The following PEG3 variants were observed in gnomAD, a reference collection of about 807,000 sequenced individuals.
PEG3 encodes the protein paternally-expressed gene 3 protein.
A neutral mutation model predicts 35.5 loss-of-function variants in PEG3; 23 were observed. The observed-to-expected ratio is 0.65, with a 90% CI of 0.47 to 0.92. PEG3 has a LOEUF of 0.92. Among genes scored for constraint, PEG3 ranks in the 40% least tolerant of loss-of-function variants. The pLI, the probability that PEG3 is intolerant of heterozygous loss-of-function variation, is 0.00. For missense variants in PEG3, 1,960 were observed against 1,985.3 expected, an observed-to-expected ratio of 0.99 and a Z score of 0.24; for synonymous variants, 707 against 697.0, an observed-to-expected ratio of 1.01 and a Z score of -0.23.
chr19:56,823,294 A>T (rs757807245), intron 5 of PEG3, among the ~76,000 whole-genome samples: 3 of 152,240 alleles, frequency 2.0e-5, no homozygotes, highest in Non-Finnish European at 2.9e-5. Context: ...AAGCATCTTT[A>T]ATGAACCTTC....
intron 1 of PEG3, among the ~76,000 whole-genome samples, chr19:56,840,238 G>C (rs150971230): frequency 6.6e-6 from 1 of 152,326 alleles, no homozygotes; most frequent in Non-Finnish European, 1.5e-5. Flanking sequence ...AATGCCCCCG[G>C]TTTGCTGCGG....
Position 56,810,701 on chromosome 19 carries a change from TTTTCA to T in PEG3, c.*2969_*2973del, listed in dbSNP as rs758696018. On this transcript the variant is annotated 3_prime_UTR_variant, in exon 10 of 10. Coordinates refer to ENST00000326441, the MANE Select transcript of PEG3 (RefSeq NM_006210.3). ...CACTATTTTAGTTATTTTCCACATC[TTTTCA>T]TTTAAGACTTTATGCACACATATTT... The T allele has an allele frequency of 2.1e-5, 21 of 983,060 alleles. No individual in the cohort carries two copies. The highest frequency in any genetic ancestry group is 1.4e-4 in the South Asian group (3 of 21,242). 60.9% of individuals were successfully genotyped at this position (983,060 alleles called of 1,614,324 possible).
At chr19:56,835,083 T>C (rs1351712939) in intron 2 of PEG3, among the ~76,000 whole-genome samples, 4 of 152,012 alleles carry the variant, frequency 2.6e-5, no homozygotes, top group Admixed American at 2.6e-4. Flanking sequence ...TCAAATAATC[T>C]ACCCACTTCA....
At chr19:56,818,768 G>A (rs1600983590) in intron 7 of PEG3, 66 bp from the exon 8 acceptor site, 2 of 1,561,248 alleles carry the variant, frequency 1.3e-6, no homozygotes, top group Non-Finnish European at 1.8e-6. Flanking sequence ...ACAGAATAAT[G>A]TTGGCAACAT....
chr19:56,812,561 A>G lies in PEG3; in HGVS notation c.*1114T>C, dbSNP rs2059607745. 1 of 985,828 alleles carries G rather than the reference A, an allele frequency of 1.0e-6. No homozygotes were observed. Among genetic ancestry groups the G allele is most frequent in the Non-Finnish European group, 1.2e-6 (1 of 829,910 alleles). 61.1% of individuals were successfully genotyped at this position (985,828 alleles called of 1,614,324 possible). ...AACTGACTTGTGGCAGCATAAGCTG[A>G]TGCTGCACAGGGGACCCAAGCCATG... On this transcript the variant is annotated 3_prime_UTR_variant, in exon 10 of 10. Transcript: ENST00000326441.
chr19:56,839,579 T>G (rs865894757), intron 1 of PEG3, among the ~76,000 whole-genome samples: 1 of 144,930 alleles, frequency 6.9e-6, no homozygotes, highest in Non-Finnish European at 1.5e-5. Context: ...GAGTGGATAG[T>G]TACCCAATCA....
At position 56,824,245 on chromosome 19, in the gene PEG3, C is replaced by T. The variant is rs374301158; in HGVS notation, c.394+17G>A. The T allele has an allele frequency of 1.9e-5, 31 of 1,610,522 alleles. No homozygotes were observed. Among genetic ancestry groups the T allele is most frequent in the Admixed American group, 3.3e-5 (2 of 59,934 alleles). ...TGAGGCCTGCACTGACCACCAACAC[C>T]CCGTGGAGACTCTCACCTTCTGGTT... On this transcript the variant is annotated intron_variant, in intron 4 of 9. Coordinates refer to ENST00000326441, the MANE Select transcript of PEG3 (RefSeq NM_006210.3).
intron 3 of PEG3, among the ~76,000 whole-genome samples, chr19:56,825,566 C>CT (rs2060941907): frequency 1.3e-5 from 1 of 76,630 alleles, no homozygotes; most frequent in African/African-American, 2.9e-5. Flanking sequence ...TTCAATCTCT[C>CT]CTTTTTTTTA....
chr19:56,837,941 C>T (rs1409787369), intron 1 of PEG3, among the ~76,000 whole-genome samples: 1 of 152,212 alleles, frequency 6.6e-6, no homozygotes, highest in African/African-American at 2.4e-5. Context: ...ACATTGAATG[C>T]CGGCTGCTCT....
At chr19:56,839,446 T>C (rs1394012649) in intron 1 of PEG3, among the ~76,000 whole-genome samples, 2 of 140,568 alleles carry the variant, frequency 1.4e-5, no homozygotes, top group Non-Finnish European at 3.0e-5. Flanking sequence ...GATCGTCACA[T>C]CTAATGCTAC....
In PEG3 at chr19:56,815,419, C is replaced by T. The variant is rs757018403; in HGVS notation, c.3023G>A (p.Arg1008His). The T allele has an allele frequency of 8.1e-6, 13 of 1,613,898 alleles. No individual in the cohort carries two copies. The Middle Eastern group carries it at 6.6e-4, about 82-fold the overall frequency. ...GSRNYEWSVI[R>H]SLAPTDPQTS... ...TTGAGGGTCAGTAGGGGCCAAGCTG[C>T]GAATGACAGACCATTCATAGTTTCT... is the stretch of plus-strand genomic sequence containing the variant. Residue 1008 changes from arginine (R) to histidine (H), a missense_variant, in exon 10 of 10, where the codon CGC becomes CAC. Transcript: ENST00000326441.
At chr19:56,840,058 C>T (rs886347498) in intron 1 of PEG3, among the ~76,000 whole-genome samples, 2 of 152,226 alleles carry the variant, frequency 1.3e-5, no homozygotes, top group Admixed American at 6.5e-5. Flanking sequence ...CCGGGCACGC[C>T]GGCGCCGCGA....
chr19:56,828,176 C>T (rs1423455329), intron 2 of PEG3, among the ~76,000 whole-genome samples: 1 of 152,166 alleles, frequency 6.6e-6, no homozygotes, highest in Admixed American at 6.5e-5. Flanking sequence ...GCTCTCCCCG[C>T]ATCGCCTCCC....
rs564663200 is a variant in PEG3, at chr19:56,816,987, G to T, written c.1455C>A (p.Ser485=). Residue 485 remains serine, a synonymous_variant, in exon 10 of 10, where the codon TCC becomes TCA. Coordinates refer to ENST00000326441, the MANE Select transcript of PEG3 (RefSeq NM_006210.3). ...TRENLYEYGE[S]FIHSVAVSEV... ...CACTGACAGCCACACTGTGGATAAA[G>T]GACTCACCATACTCATAGAGGTTCT... is the stretch of plus-strand genomic sequence containing the variant. The T allele has an allele frequency of 1.2e-6, 2 of 1,614,074 alleles. No homozygotes were observed. Among genetic ancestry groups the T allele is most frequent in the African/African-American group, 2.7e-5 (2 of 75,038 alleles).
At chr19:56,831,677 C>CTA (rs2146535200) in intron 2 of PEG3, among the ~76,000 whole-genome samples, 1 of 152,298 alleles carries the variant, frequency 6.6e-6, no homozygotes, top group African/African-American at 2.4e-5. Flanking sequence ...GTTACATAAC[C>CTA]ATTAAGTCGT....
chr19:56,826,308 A>C (rs2061027051), intron 3 of PEG3, 80 bp downstream of exon 3: 1 of 152,208 alleles, frequency 6.6e-6, no homozygotes, highest in Non-Finnish European at 1.5e-5. Context: ...TGGCAGACAG[A>C]CTCAGGAGAA....
rs1345891128 is a variant in PEG3, at chr19:56,813,148, C to G, written c.*527G>C. Reference sequence around the variant, plus strand: ...CAAATAATGCACAATAAATCTTTCTCAGGATCTAAGACACTTAAAAATATA... The same window carrying G: ...CAAATAATGCACAATAAATCTTTCTGAGGATCTAAGACACTTAAAAATATA... On this transcript the variant is annotated 3_prime_UTR_variant, in exon 10 of 10. Coordinates refer to ENST00000326441, the MANE Select transcript of PEG3 (RefSeq NM_006210.3). 2 of 981,594 alleles carry G rather than the reference C, an allele frequency of 2.0e-6. No individual in the cohort carries two copies. Among genetic ancestry groups the G allele is most frequent in the African/African-American group, 3.5e-5 (2 of 56,954 alleles). 60.8% of individuals were successfully genotyped at this position (981,594 alleles called of 1,614,324 possible).
chr19:56,831,252 A>G (rs897532746), intron 2 of PEG3, among the ~76,000 whole-genome samples: 3 of 152,256 alleles, frequency 2.0e-5, no homozygotes, highest in Non-Finnish European at 2.9e-5. Context: ...AACAGAGTCC[A>G]GAATTCAACT....
chr19:56,822,898 T>C lies in PEG3; in HGVS notation c.482-62A>G, dbSNP rs1381645489. ...CTTTGACACACCTGTTTTCCCTGCATGTGCACAAACACCCCTCTGGAAAGA... is the reference window on the plus strand; with the variant it reads ...CTTTGACACACCTGTTTTCCCTGCACGTGCACAAACACCCCTCTGGAAAGA... On this transcript the variant is annotated intron_variant, in intron 5 of 9. Coordinates refer to ENST00000326441, the MANE Select transcript of PEG3 (RefSeq NM_006210.3). 1.0e-5 allele frequency: 16 copies of C among 1,569,340 alleles called. No homozygotes were observed. In the Admixed American group the frequency reaches 2.1e-4, roughly 20 times the overall value.
Sources: allele counts gnomAD v4.1 joint callset (sites outside exome capture counted in the v4.1 genomes callset), GRCh38; gene constraint gnomAD v4.1.1; transcripts MANE v1.5; gene names NCBI Gene and HGNC (gene_info 2026-07-23, HGNC 2026-07-21).